HYCC1: variants seen among roughly 807,000 people sequenced by gnomAD.
HYCC1 encodes hyccin PI4KA lipid kinase complex subunit 1.
chr7:22,919,108 G>A, the HYCC1 span, among the ~76,000 whole-genome samples: 1 of 152,182 alleles, frequency 6.6e-6, no homozygotes, highest in Non-Finnish European at 1.5e-5. Flanking sequence ...ACAGAAACGT[G>A]TGAGGCATAC....
At chr7:22,972,329 G>C in the HYCC1 span, among the ~76,000 whole-genome samples, 6 of 152,098 alleles carry the variant, frequency 3.9e-5, no homozygotes, top group African/African-American at 1.4e-4. Flanking sequence ...AGTGAGGAGA[G>C]GCAGGGATTC....
At chr7:22,903,526 A>G in the HYCC1 span, among the ~76,000 whole-genome samples, 2 of 152,326 alleles carry the variant, frequency 1.3e-5, no homozygotes, top group Non-Finnish European at 2.9e-5. Flanking sequence ...GAAGAAACAG[A>G]AAATCTGAAT....
At chr7:22,999,918 T>C in the HYCC1 span, among the ~76,000 whole-genome samples, 24 of 152,158 alleles carry the variant, frequency 1.6e-4, no homozygotes, top group South Asian at 5.0e-3. Flanking sequence ...GCAAGGGCCA[T>C]CATGAGAAAA....
the HYCC1 span, among the ~76,000 whole-genome samples, chr7:22,983,328 C>CAAAA: frequency 0.011 from 1,184 of 111,170 alleles, 15 homozygotes; most frequent in African/African-American, 0.04. Context: ...GACCCTGTCT[C>CAAAA]AAAAAAAAAA....
At chr7:22,927,313 G>A in the HYCC1 span, among the ~76,000 whole-genome samples, 1 of 151,976 alleles carries the variant, frequency 6.6e-6, no homozygotes, top group Non-Finnish European at 1.5e-5. Context: ...GCTAGCAGAA[G>A]GCAAGAAATA....
chr7:22,910,454 C>T, the HYCC1 span, among the ~76,000 whole-genome samples: 1 of 152,310 alleles, frequency 6.6e-6, no homozygotes, highest in African/African-American at 2.4e-5. Flanking sequence ...CCTGCAGAAT[C>T]GGAAGCCAAA....
At chr7:22,939,355 T>G in the HYCC1 span, 1 of 152,184 alleles carries the variant, frequency 6.6e-6, no homozygotes, top group African/African-American at 2.4e-5. Context: ...ACCAATTCAT[T>G]TGTACCAATC....
the HYCC1 span, among the ~76,000 whole-genome samples, chr7:23,003,525 C>T: frequency 5.3e-5 from 8 of 152,104 alleles, no homozygotes; most frequent in Non-Finnish European, 1.0e-4. Flanking sequence ...ATCAATAACC[C>T]CTCTTTCCTC....
At chr7:23,000,839 T>G in the HYCC1 span, among the ~76,000 whole-genome samples, 46 of 151,810 alleles carry the variant, frequency 3.0e-4, no homozygotes, top group Non-Finnish European at 4.7e-4. Flanking sequence ...AGAAGCCACA[T>G]GAAGACAGAC....
chr7:22,939,551 C>T, the HYCC1 span: 1 of 152,200 alleles, frequency 6.6e-6, no homozygotes, highest in African/African-American at 2.4e-5. Context: ...ACACAATTAT[C>T]TCTAATTCTG....
the HYCC1 span, chr7:22,984,075 T>G: frequency 7.5e-7 from 1 of 1,326,894 alleles, no homozygotes; most frequent in South Asian, 1.2e-5. Flanking sequence ...TACATTTTAC[T>G]TTTATGAAAT....
At chr7:22,906,098 T>C in the HYCC1 span, among the ~76,000 whole-genome samples, 3 of 151,604 alleles carry the variant, frequency 2.0e-5, no homozygotes, top group Non-Finnish European at 4.4e-5. Context: ...TTAGTAGTTA[T>C]AATAATATAG....
At chr7:23,006,715 T>C in the HYCC1 span, among the ~76,000 whole-genome samples, 2 of 152,214 alleles carry the variant, frequency 1.3e-5, no homozygotes, top group Non-Finnish European at 2.9e-5. Flanking sequence ...TTTCATTAAG[T>C]CAAGTACAAA....
the HYCC1 span, among the ~76,000 whole-genome samples, chr7:22,988,857 T>C: frequency 6.6e-6 from 1 of 152,290 alleles, no homozygotes; most frequent in South Asian, 2.1e-4. Context: ...GCTATTCTTC[T>C]ACACGCCACC....
chr7:22,935,946 G>T, the HYCC1 span: 1 of 149,584 alleles, frequency 6.7e-6, no homozygotes, highest in Non-Finnish European at 1.5e-5. Flanking sequence ...ACTGCGCCTG[G>T]CCTAGATTTT....
At chr7:22,976,565 T>C in the HYCC1 span, 6 of 724,880 alleles carry the variant, frequency 8.3e-6, no homozygotes, top group African/African-American at 1.1e-4. Flanking sequence ...TTTTCTCTTG[T>C]ATAAAATGAC....
the HYCC1 span, chr7:22,976,839 A>T: frequency 2.2e-6 from 3 of 1,354,408 alleles, no homozygotes; most frequent in Non-Finnish European, 3.2e-6. Context: ...TAAAGAAAAA[A>T]AAAGCTATTC....
At chr7:22,981,674 A>G in the HYCC1 span, among the ~76,000 whole-genome samples, 1 of 152,244 alleles carries the variant, frequency 6.6e-6, no homozygotes, top group East Asian at 1.9e-4. Flanking sequence ...CTCCAACAAT[A>G]TAAATATAGA....
At chr7:23,006,182 T>C in the HYCC1 span, among the ~76,000 whole-genome samples, 1 of 152,302 alleles carries the variant, frequency 6.6e-6, no homozygotes, top group East Asian at 1.9e-4. Flanking sequence ...ACTGAATTAA[T>C]TAAATGTTAA....
Sources: gnomAD v4.1 joint callset for allele counts (sites outside exome capture counted in the v4.1 genomes callset) on GRCh38, gnomAD v4.1.1 for gene constraint, MANE v1.5 for transcripts, NCBI Gene and HGNC (gene_info 2026-07-23, HGNC 2026-07-21) for gene names.